Variants in GOLGA5 observed in about 807,000 individuals in gnomAD.
GOLGA5 encodes the protein golgin A5, also known as golgin subfamily A member 5.
A neutral mutation model predicts 93.5 loss-of-function variants in GOLGA5; 50 were observed. That is an observed-to-expected ratio of 0.53 (90% CI 0.43 to 0.68). The LOEUF (loss-of-function observed/expected upper bound fraction) is 0.68. Ranked by LOEUF, GOLGA5 falls within the 30% of genes least tolerant of loss-of-function variation. The pLI, the probability that GOLGA5 is intolerant of heterozygous loss-of-function variation, is 0.00. For missense variants in GOLGA5, 760 were observed against 856.4 expected (o/e 0.89, Z 1.40); for synonymous variants, 312 against 304.5 (o/e 1.02, Z -0.26).
At chr14:92,815,279 C>A (rs1885179387) in intron 6 of GOLGA5, among the ~76,000 whole-genome samples, 1 of 152,180 alleles carries the variant, frequency 6.6e-6, no homozygotes, top group South Asian at 2.1e-4. Context: ...TATTTCAAGG[C>A]CAACATTTAT....
chr14:92,812,097 G>A (rs1276192544), intron 6 of GOLGA5, among the ~76,000 whole-genome samples: 2 of 152,182 alleles, frequency 1.3e-5, no homozygotes, highest in Non-Finnish European at 2.9e-5. Context: ...GACTCATCCA[G>A]TTCTCAGAAT....
In GOLGA5 at chr14:92,824,584, G is replaced by A; in HGVS notation, c.1659G>A (p.Lys553=). Residue 553 remains lysine, a synonymous_variant, in exon 9 of 13, where the codon AAG becomes AAA. Coordinates refer to ENST00000163416, the MANE Select transcript of GOLGA5 (RefSeq NM_005113.4). ...HYIEEDLYRT[K]NTLQSRIKDR... is the part of the protein sequence containing the mutation. ...TAGAAGAAGATCTTTATCGAACAAA[G>A]AACACATTGCAAAGCAGAATTAAAG... The A allele has an allele frequency of 6.2e-7, 1 of 1,605,666 alleles. No individual in the cohort carries two copies. The highest frequency in any genetic ancestry group is 8.5e-7 in the Non-Finnish European group (1 of 1,174,080).
intron 6 of GOLGA5, among the ~76,000 whole-genome samples, chr14:92,814,882 A>G (rs1368036170): frequency 6.6e-6 from 1 of 152,086 alleles, no homozygotes; most frequent in Non-Finnish European, 1.5e-5. Flanking sequence ...ATTGTAGGCT[A>G]TGTTGGCTAC....
intron 2 of GOLGA5, among the ~76,000 whole-genome samples, chr14:92,803,201 A>G (rs898147174): frequency 2.0e-5 from 3 of 151,902 alleles, no homozygotes; most frequent in Non-Finnish European, 4.4e-5. Flanking sequence ...ATGCGTAGGT[A>G]ATTTTGTTCA....
intron 1 of GOLGA5, among the ~76,000 whole-genome samples, chr14:92,796,959 A>AGAGC (rs2140309488): frequency 8.9e-6 from 1 of 111,952 alleles, no homozygotes; most frequent in Admixed American, 9.3e-5. Flanking sequence ...CCTGGGCGAC[A>AGAGC]GAGCGAGACT....
chr14:92,804,717 G>GCAGT (rs1378106215), intron 2 of GOLGA5, among the ~76,000 whole-genome samples: 1 of 145,224 alleles, frequency 6.9e-6, no homozygotes, highest in Non-Finnish European at 1.5e-5. Flanking sequence ...GTGCAGTGGT[G>GCAGT]CAGTCTCAGC....
At position 92,811,773 on chromosome 14, in the gene GOLGA5, C is replaced by T. The variant is rs1367164251; in HGVS notation, c.1320+19C>T. 3 of 1,544,462 alleles carry T rather than the reference C, an allele frequency of 1.9e-6. No homozygotes were observed. In the African/African-American group the frequency reaches 4.1e-5, roughly 21 times the overall value. On this transcript the variant is annotated intron_variant, in intron 6 of 12. Coordinates refer to ENST00000163416, the MANE Select transcript of GOLGA5 (RefSeq NM_005113.4). ...ACTGCAAGTAAGCATGAAATGTACACTTTTGGATGTTAAGATGTGCAAGTT... is the reference window on the plus strand; with the variant it reads ...ACTGCAAGTAAGCATGAAATGTACATTTTTGGATGTTAAGATGTGCAAGTT...
At chr14:92,816,891 T>C (rs1007759061) in intron 7 of GOLGA5, among the ~76,000 whole-genome samples, 1 of 151,832 alleles carries the variant, frequency 6.6e-6, no homozygotes, top group African/African-American at 2.4e-5. Flanking sequence ...TTTCTTTCTT[T>C]CCTTTCTTTC....
chr14:92,838,726 G>T (rs1885698387), intron 12 of GOLGA5, among the ~76,000 whole-genome samples: 2 of 152,168 alleles, frequency 1.3e-5, no homozygotes, highest in Non-Finnish European at 2.9e-5. Flanking sequence ...AATGGCATCA[G>T]AAAGCATTCA....
At chr14:92,826,882 C>T (rs887646995) in intron 9 of GOLGA5, among the ~76,000 whole-genome samples, 1 of 151,932 alleles carries the variant, frequency 6.6e-6, no homozygotes, top group African/African-American at 2.4e-5. Flanking sequence ...AATCTTTTTG[C>T]AATTTTGAGG....
At chr14:92,801,857 T>G (rs1467069752) in intron 2 of GOLGA5, among the ~76,000 whole-genome samples, 1 of 152,212 alleles carries the variant, frequency 6.6e-6, no homozygotes, top group African/African-American at 2.4e-5. Context: ...TTAGTGTGTT[T>G]CTGGCCACTT....
At chr14:92,828,742 C>T (rs1453616942) in intron 9 of GOLGA5, among the ~76,000 whole-genome samples, 2 of 152,156 alleles carry the variant, frequency 1.3e-5, no homozygotes, top group African/African-American at 2.4e-5. Flanking sequence ...GATCGCAGCT[C>T]ACTGCAACCT....
rs1383711296 is a variant in GOLGA5, at chr14:92,811,800, A to G, written c.1320+46A>G. The G allele has an allele frequency of 2.2e-6, 3 of 1,335,968 alleles. No individual in the cohort carries two copies. In the East Asian group the frequency reaches 6.9e-5, roughly 31 times the overall value. 82.8% of individuals were successfully genotyped at this position (1,335,968 alleles called of 1,614,324 possible). A position where few individuals can be genotyped will look rare whatever the true frequency, so the allele number is the denominator to read the frequency against. On this transcript the variant is annotated intron_variant, in intron 6 of 12. Coordinates refer to ENST00000163416, the MANE Select transcript of GOLGA5 (RefSeq NM_005113.4). ...TTTGGATGTTAAGATGTGCAAGTTA[A>G]CTGAAAGGCAATTTGAGACTGTGTA...
chr14:92,808,194 C>T (rs113037740), intron 3 of GOLGA5, among the ~76,000 whole-genome samples: 145 of 151,924 alleles, frequency 9.5e-4, no homozygotes, highest in African/African-American at 3.4e-3. Flanking sequence ...TTGCAGTGAG[C>T]CGAGATCGTG....
At chr14:92,818,540 AT>A (rs758829608) in intron 7 of GOLGA5, among the ~76,000 whole-genome samples, 8 of 152,232 alleles carry the variant, frequency 5.3e-5, no homozygotes, top group Non-Finnish European at 1.2e-4. Context: ...GATGACAAAG[AT>A]TAATCTACCT....
At chr14:92,805,313 C>G (rs747178463) in intron 2 of GOLGA5, among the ~76,000 whole-genome samples, 1 of 152,048 alleles carries the variant, frequency 6.6e-6, no homozygotes, top group Admixed American at 6.6e-5. Context: ...GAGATTCATC[C>G]ATGTTACTGT....
intron 2 of GOLGA5, among the ~76,000 whole-genome samples, chr14:92,803,103 T>C (rs1258825808): frequency 1.3e-5 from 2 of 152,150 alleles, no homozygotes; most frequent in East Asian, 3.8e-4. Context: ...TGGTGGGATC[T>C]CAGCTCACTG....
chr14:92,801,366 G>C (rs373374337), intron 2 of GOLGA5, among the ~76,000 whole-genome samples: 38 of 152,120 alleles, frequency 2.5e-4, no homozygotes, highest in African/African-American at 8.7e-4. Context: ...ATTTGTCGTT[G>C]ATATTATTTC....
At chr14:92,839,271 G>A (rs1885710563) in intron 12 of GOLGA5, 95 bp from the exon 13 acceptor site, 2 of 739,518 alleles carry the variant, frequency 2.7e-6, no homozygotes, top group Non-Finnish European at 4.9e-6. Context: ...GGATACAGAG[G>A]CAGGTAAGAC....
Sources: allele counts gnomAD v4.1 joint callset (sites outside exome capture counted in the v4.1 genomes callset), GRCh38; gene constraint gnomAD v4.1.1; transcripts MANE v1.5; gene names NCBI Gene and HGNC (gene_info 2026-07-23, HGNC 2026-07-21).